Variants in MIDEAS observed in about 807,000 individuals in gnomAD.
MIDEAS encodes mitotic deacetylase associated SANT domain protein.
Under a neutral mutation model 102.7 loss-of-function variants are expected in MIDEAS, and 26 were observed. That is an observed-to-expected ratio of 0.25 (90% CI 0.19 to 0.35). The LOEUF (loss-of-function observed/expected upper bound fraction) is 0.35, where lower values mean the gene tolerates loss of function less well. Ranked by LOEUF, MIDEAS falls within the 10% of genes least tolerant of loss-of-function variation. The pLI is 1.00. For missense variants in MIDEAS, 1,231 were observed against 1,435.6 expected (o/e 0.86, Z 2.30); for synonymous variants, 585 against 591.0 (o/e 0.99, Z 0.15).
At chr14:73,757,022 C>T (rs1343190060) in intron 1 of MIDEAS, among the ~76,000 whole-genome samples, 2 of 151,936 alleles carry the variant, frequency 1.3e-5, no homozygotes, top group African/African-American at 2.4e-5. Context: ...ACTGTAATCC[C>T]AGCACTTTGG....
At position 73,759,364 on chromosome 14, in the gene MIDEAS, G is replaced by A. The variant is rs2053528056; in HGVS notation, c.-248+399C>T. On this transcript the variant is annotated intron_variant, in intron 1 of 12. Coordinates refer to ENST00000423556, the MANE Select transcript of MIDEAS (RefSeq NM_001367710.1). This position sits in a 1 kb window ranked among gnomAD's most constrained non-coding sequence, Gnocchi z 6.7. ...ACGGACACCACGTTTCTCTCCAGCG[G>A]AGGAGGAGCAGCCGGATTCCCGAGC... Among the ~76,000 whole-genome samples, 1 of 152,108 alleles carries A rather than the reference G, an allele frequency of 6.6e-6. No homozygotes were observed. The highest frequency in any genetic ancestry group is 6.5e-5 in the Admixed American group (1 of 15,292).
intron 3 of MIDEAS, among the ~76,000 whole-genome samples, chr14:73,736,322 CA>C (rs1453525436): frequency 6.6e-6 from 1 of 151,822 alleles, no homozygotes; most frequent in East Asian, 1.9e-4. Flanking sequence ...AAAAAGTAGG[CA>C]AAACCTCAAT....
intron 1 of MIDEAS, among the ~76,000 whole-genome samples, chr14:73,770,496 T>G (rs771907074): frequency 6.6e-6 from 1 of 151,964 alleles, no homozygotes; most frequent in Non-Finnish European, 1.5e-5. Flanking sequence ...GAAGAAGGAA[T>G]GTAAACCGGG....
intron 1 of MIDEAS, among the ~76,000 whole-genome samples, chr14:73,765,952 C>A (rs2053589200): frequency 6.6e-6 from 1 of 152,216 alleles, no homozygotes; most frequent in Non-Finnish European, 1.5e-5. Context: ...TCAAAAGGGG[C>A]CTTTGGTGGG....
chr14:73,765,629 GC>G (rs1360663980), intron 1 of MIDEAS, among the ~76,000 whole-genome samples: 1 of 152,074 alleles, frequency 6.6e-6, no homozygotes, highest in East Asian at 1.9e-4. Flanking sequence ...ATCTGGCTCT[GC>G]CCCACTTCCC....
intron 1 of MIDEAS, among the ~76,000 whole-genome samples, chr14:73,757,490 A>C (rs2053499850): frequency 6.6e-6 from 1 of 152,168 alleles, no homozygotes; most frequent in Non-Finnish European, 1.5e-5. Flanking sequence ...GTATGTACAC[A>C]AATAACTACA....
At chr14:73,782,435 C>T (rs773391902) in intron 1 of MIDEAS, among the ~76,000 whole-genome samples, 21 of 152,146 alleles carry the variant, frequency 1.4e-4, no homozygotes, top group Admixed American at 2.6e-4. Flanking sequence ...GCATGCAATC[C>T]TCCTACCTCA....
In MIDEAS at chr14:73,727,035, C is replaced by T. The variant is rs1043809386; in HGVS notation, c.2163-63G>A. The stretch of plus-strand genomic sequence containing the variant: ...TTGCGGGGACGGAGAACTTGATGAT[C>T]CCTCAGGGTGGGAAGAAGATGAGGG... On this transcript the variant is annotated intron_variant, in intron 5 of 12. Coordinates refer to ENST00000423556, the MANE Select transcript of MIDEAS (RefSeq NM_001367710.1). The T allele has an allele frequency of 6.5e-6, 10 of 1,535,482 alleles. No homozygotes were observed. In the African/African-American group the frequency reaches 8.2e-5, roughly 13 times the overall value.
chr14:73,788,481 C>G (rs1189758454), upstream of MIDEAS, among the ~76,000 whole-genome samples: 1 of 152,156 alleles, frequency 6.6e-6, no homozygotes, highest in Non-Finnish European at 1.5e-5. Context: ...GTGTTAATCT[C>G]TCATGGAAAG....
intron 7 of MIDEAS, 120 bp from the exon 8 acceptor site, chr14:73,726,228 C>T (rs1430954532): frequency 3.5e-6 from 3 of 848,386 alleles, no homozygotes; most frequent in Non-Finnish European, 5.8e-6. Flanking sequence ...CCCTTAACTG[C>T]TGAGAGATAA....
chr14:73,725,106 G>A lies in MIDEAS; in HGVS notation c.2574+166C>T. ...ATGCTTAGAACCAAAAGGGAAAAGAGACCTATCTTTCTCTTTCTTGTATTG... is the reference window on the plus strand; with the variant it reads ...ATGCTTAGAACCAAAAGGGAAAAGAAACCTATCTTTCTCTTTCTTGTATTG... On this transcript the variant is annotated intron_variant, in intron 9 of 12. Transcript: ENST00000423556. The surrounding 1 kb of genome is among the most constrained non-coding windows in gnomAD (Gnocchi z 4.1). 1.6e-6 allele frequency: 1 copy of A among 630,888 alleles called. No individual in the cohort carries two copies. Among genetic ancestry groups the A allele is most frequent in the Non-Finnish European group, 2.9e-6 (1 of 348,646 alleles). The allele number at this position is 630,888 out of a possible 1,614,324, so 39.1% of individuals were successfully genotyped here.
At chr14:73,727,253 A>G in intron 5 of MIDEAS, 1 of 645,578 alleles carries the variant, frequency 1.5e-6, no homozygotes, top group Non-Finnish European at 2.6e-6. Context: ...GTTCAAGCTG[A>G]GCCGGTCCTT....
At position 73,759,945 on chromosome 14, in the gene MIDEAS, G is replaced by A. The variant is rs1024236591; in HGVS notation, c.-430C>T. 1 of 151,908 alleles carries A rather than the reference G, an allele frequency of 6.6e-6. No homozygotes were observed. The highest frequency in any genetic ancestry group is 2.4e-5 in the African/African-American group (1 of 41,406). 9.4% of individuals were successfully genotyped at this position (151,908 alleles called of 1,614,324 possible). ...CCGCCAGCCCGCGCCTCCCGAGGCT[G>A]AGAAGTTTGCTGGCAGGGCCCGGGC... On this transcript the variant is annotated 5_prime_UTR_variant, in exon 1 of 13. Coordinates refer to ENST00000423556, the MANE Select transcript of MIDEAS (RefSeq NM_001367710.1). This position sits in a 1 kb window ranked among gnomAD's most constrained non-coding sequence, Gnocchi z 6.7.
Position 73,716,926 on chromosome 14 carries a change from C to G in MIDEAS, c.*1917G>C, listed in dbSNP as rs1236927757. 6.6e-6 allele frequency: 1 copy of G among 152,636 alleles called. No individual in the cohort carries two copies. The highest frequency in any genetic ancestry group is 1.5e-5 in the Non-Finnish European group (1 of 68,024). 9.5% of individuals were successfully genotyped at this position (152,636 alleles called of 1,614,324 possible). On this transcript the variant is annotated 3_prime_UTR_variant, in exon 13 of 13. Coordinates refer to ENST00000423556, the MANE Select transcript of MIDEAS (RefSeq NM_001367710.1). Reference sequence around the variant, plus strand: ...AGAGCCTAAATTTGCTACCCCCCTGCTTCTACAGGGTATACCAGATTTTTG... The same window carrying G: ...AGAGCCTAAATTTGCTACCCCCCTGGTTCTACAGGGTATACCAGATTTTTG...
At position 73,739,742 on chromosome 14, in the gene MIDEAS, G is replaced by A. The variant is rs778789506; in HGVS notation, c.267C>T (p.Ser89=). 1.5e-4 allele frequency: 249 copies of A among 1,613,736 alleles called. No homozygotes were observed. Among genetic ancestry groups the A allele is most frequent in the Non-Finnish European group, 2.0e-4 (237 of 1,179,958 alleles). Residue 89 remains serine, a synonymous_variant, in exon 2 of 13, where the codon TCC becomes TCT. Coordinates refer to ENST00000423556, the MANE Select transcript of MIDEAS (RefSeq NM_001367710.1). ...GPERTSAAML[S]QQVASVKWPN... ...GCCACTTTACTGAGGCCACCTGCTG[G>A]GACAGCATGGCTGCTGAGGTCCGCT...
intron 1 of MIDEAS, among the ~76,000 whole-genome samples, chr14:73,748,132 G>C (rs2053376718): frequency 6.6e-6 from 1 of 152,106 alleles, no homozygotes; most frequent in Non-Finnish European, 1.5e-5. Context: ...GACAGTAATA[G>C]AAGAACAAAA....
upstream of MIDEAS, among the ~76,000 whole-genome samples, chr14:73,764,359 A>AAAAACAAAAC (rs1555345439): frequency 1.1e-4 from 13 of 117,700 alleles, 1 homozygote; most frequent in East Asian, 3.1e-4. Context: ...AAAAAAAAAA[A>AAAAACAAAAC]AAAACAAAAC....
rs758241243 is a variant in MIDEAS at position 73,719,437 on chromosome 14, G to A, written c.3002C>T (p.Ala1001Val). ...TGTCCCTTCCCTTGGCTTCTCCGAG[G>A]CCTGGCCACCGGCAGACCCAGGGGC... is the stretch of plus-strand genomic sequence containing the variant. ...SNAPGSAGGQ[A>V]SEKPREGTGK... Residue 1001 changes from alanine to valine, a missense_variant, in exon 12 of 13, where the codon GCC becomes GTC. Physicochemically the swap from Ala to Val is moderately conservative, Grantham distance 64. Transcript: ENST00000423556. The A allele has an allele frequency of 3.1e-6, 5 of 1,614,092 alleles. No individual in the cohort carries two copies. In the East Asian group the frequency reaches 6.7e-5, roughly 22 times the overall value.
chr14:73,721,640 C>T, intron 10 of MIDEAS, 131 bp from the exon 11 acceptor site: 1 of 756,392 alleles, frequency 1.3e-6, no homozygotes. Flanking sequence ...GCATAGTCTT[C>T]TGTACTAGGA....
Sources: allele counts gnomAD v4.1 joint callset (sites outside exome capture counted in the v4.1 genomes callset), GRCh38; gene constraint gnomAD v4.1.1; non-coding constraint Gnocchi (gnomAD v3.1); transcripts MANE v1.5; gene names NCBI Gene and HGNC (gene_info 2026-07-23, HGNC 2026-07-21).